PCDH7: variants seen among roughly 807,000 people sequenced by gnomAD.
The protein encoded by PCDH7 is protocadherin-7.
Under a neutral mutation model 58.9 loss-of-function variants are expected in PCDH7, and 17 were observed. That is an observed-to-expected ratio of 0.29 (90% confidence interval 0.20 to 0.43). The LOEUF is 0.43. PCDH7 is among the 20% of genes least tolerant of loss of function. PCDH7 has a pLI of 1.00. For synonymous variants in PCDH7, 664 were observed against 616.4 expected (o/e 1.08, Z -1.14); for missense variants, 1,274 against 1,441.0 (o/e 0.88, Z 1.88).
At chr4:31,078,825 A>C (rs3947332) in intron 3 of PCDH7, among the ~76,000 whole-genome samples, 96,795 of 151,560 alleles carry the variant, frequency 0.64, 32,148 homozygotes, top group African/African-American at 0.82. Context: ...TATTTTAAAG[A>C]CACAGTGGTT....
intron 3 of PCDH7, among the ~76,000 whole-genome samples, chr4:31,042,481 T>A (rs1409606956): frequency 6.6e-6 from 1 of 152,154 alleles, no homozygotes; most frequent in Non-Finnish European, 1.5e-5. Flanking sequence ...TGTGTCTATA[T>A]GGGTATGTGT....
intron 3 of PCDH7, among the ~76,000 whole-genome samples, chr4:31,090,628 A>G (rs984845528): frequency 6.6e-6 from 1 of 152,104 alleles, no homozygotes; most frequent in South Asian, 2.1e-4. Context: ...GAATATTTGC[A>G]GTTTCACTAA....
intron 3 of PCDH7, among the ~76,000 whole-genome samples, chr4:31,062,198 C>G (rs1057140636): frequency 1.3e-5 from 2 of 151,564 alleles, no homozygotes; most frequent in African/African-American, 2.4e-5. Context: ...TCTATTACAA[C>G]TGTATAATTT....
At chr4:31,096,525 A>T (rs1714009224) in intron 3 of PCDH7, among the ~76,000 whole-genome samples, 1 of 152,202 alleles carries the variant, frequency 6.6e-6, no homozygotes, top group Admixed American at 6.5e-5. Flanking sequence ...TTTTTGTAGC[A>T]TGTAATCAAC....
intron 1 of PCDH7, among the ~76,000 whole-genome samples, chr4:30,848,194 T>G (rs1732241239): frequency 6.6e-6 from 1 of 152,162 alleles, no homozygotes; most frequent in Admixed American, 6.6e-5. Flanking sequence ...GAAGATAGCA[T>G]CGGCAATCTG....
At chr4:30,756,907 A>G (rs1194916380) in intron 1 of PCDH7, among the ~76,000 whole-genome samples, 1 of 152,134 alleles carries the variant, frequency 6.6e-6, no homozygotes, top group African/African-American at 2.4e-5. Context: ...GTTTTTTGCT[A>G]AGTCTCCTCT....
At chr4:30,980,444 G>C (rs1750453899) in intron 3 of PCDH7, among the ~76,000 whole-genome samples, 1 of 152,164 alleles carries the variant, frequency 6.6e-6, no homozygotes, top group African/African-American at 2.4e-5. Context: ...AAAAACATGG[G>C]ATTTCCTTCC....
At chr4:30,745,103 A>G (rs1474647607) in intron 1 of PCDH7, among the ~76,000 whole-genome samples, 1 of 152,192 alleles carries the variant, frequency 6.6e-6, no homozygotes, top group Non-Finnish European at 1.5e-5. Context: ...TTATATAAAG[A>G]AGATATATAG....
chr4:30,805,388 G>T (rs1726057466), intron 1 of PCDH7, among the ~76,000 whole-genome samples: 1 of 152,254 alleles, frequency 6.6e-6, no homozygotes, highest in South Asian at 2.1e-4. Flanking sequence ...CTGTACTTTA[G>T]TTTTCTCATC....
chr4:30,798,892 T>G (rs1264526550), intron 1 of PCDH7, among the ~76,000 whole-genome samples: 3 of 152,254 alleles, frequency 2.0e-5, no homozygotes, highest in Non-Finnish European at 2.9e-5. Flanking sequence ...ATAATTTGTT[T>G]GCTTTTGTGC....
chr4:31,122,774 C>T (rs1460703528), intron 3 of PCDH7, among the ~76,000 whole-genome samples: 3 of 151,014 alleles, frequency 2.0e-5, no homozygotes. Flanking sequence ...AAATATGATT[C>T]GAAAATATAT....
chr4:31,060,842 ATG>A (rs1258498964), intron 3 of PCDH7, among the ~76,000 whole-genome samples: 1 of 151,738 alleles, frequency 6.6e-6, no homozygotes, highest in Non-Finnish European at 1.5e-5. Context: ...TATTTATTGA[ATG>A]TCAGTTTTTC....
rs1553894864 is a variant in PCDH7 at position 30,824,091 on chromosome 4, C to CTTTCTTTCT, written c.71-96059_71-96051dup. On this transcript the variant is annotated intron_variant, in intron 1 of 3. Transcript: ENST00000509759. ...AAAGCGGGGTTTCTTTTCTTTCTTTCTTTCTTTCTTTCTTTCTTTCTTTCT... is the reference window on the plus strand; with the variant it reads ...AAAGCGGGGTTTCTTTTCTTTCTTTCTTTCTTTCTTTTCTTTCTTTCTTTCTTTCTTTCT... 4.3e-3 allele frequency among the ~76,000 whole-genome samples: 228 copies of CTTTCTTTCT among 52,982 alleles called. 1 individual carries two copies. Among genetic ancestry groups the CTTTCTTTCT allele is most frequent in the Non-Finnish European group, 6.8e-3 (185 of 27,320 alleles). 34.8% of individuals were successfully genotyped at this position (52,982 alleles called of 152,430 possible).
At chr4:30,740,176 T>C (rs1303155511) in intron 1 of PCDH7, among the ~76,000 whole-genome samples, 1 of 151,986 alleles carries the variant, frequency 6.6e-6, no homozygotes, top group African/African-American at 2.4e-5. Flanking sequence ...TCTCTGCCAC[T>C]GTGCATATAT....
chr4:31,000,116 T>C (rs1401691164), intron 3 of PCDH7, among the ~76,000 whole-genome samples: 1 of 152,104 alleles, frequency 6.6e-6, no homozygotes, highest in African/African-American at 2.4e-5. Context: ...CAAAATTATG[T>C]GCTGTAGGAC....
chr4:30,927,344 G>A (rs922415490), intron 2 of PCDH7, among the ~76,000 whole-genome samples: 25 of 152,008 alleles, frequency 1.6e-4, no homozygotes, highest in Admixed American at 5.9e-4. Context: ...CCACCACCCC[G>A]TCTGGGAGGT....
intron 2 of PCDH7, among the ~76,000 whole-genome samples, chr4:30,938,655 C>T (rs367581247): frequency 6.3e-4 from 96 of 152,236 alleles, no homozygotes; most frequent in African/African-American, 2.2e-3. Context: ...TCATACATTA[C>T]AAACTTGACA....
intron 1 of PCDH7, among the ~76,000 whole-genome samples, chr4:30,809,523 T>C (rs1171712615): frequency 1.3e-5 from 2 of 152,312 alleles, no homozygotes; most frequent in Non-Finnish European, 2.9e-5. Flanking sequence ...GAAAATATTT[T>C]GTGGAAGTAA....
At chr4:30,758,484 C>T (rs369608856) in intron 1 of PCDH7, among the ~76,000 whole-genome samples, 222 of 152,224 alleles carry the variant, frequency 1.5e-3, no homozygotes, top group African/African-American at 4.7e-3. Flanking sequence ...AGTTACTGCC[C>T]GTAAGTTTGT....
Sources: gnomAD v4.1 joint callset for allele counts (sites outside exome capture counted in the v4.1 genomes callset) on GRCh38, gnomAD v4.1.1 for gene constraint, MANE v1.5 for transcripts, NCBI Gene and HGNC (gene_info 2026-07-23, HGNC 2026-07-21) for gene names.